Variants in ANXA13 observed in about 807,000 individuals in gnomAD.
ANXA13 encodes annexin XIII.
ANXA13 carries 36 observed loss-of-function variants against 46.6 expected under a neutral mutation model. The observed-to-expected ratio is 0.77, with a 90% CI of 0.59 to 1.02. The LOEUF is 1.02. Ranked by LOEUF, ANXA13 falls within the 50% of genes least tolerant of loss-of-function variation. The pLI is 0.00. For missense variants in ANXA13, 417 were observed against 396.5 expected (o/e 1.05, Z -0.44); for synonymous variants, 163 against 152.9 (o/e 1.07, Z -0.49).
chr8:123,722,378 GAA>G (rs1813898204), intron 1 of ANXA13, among the ~76,000 whole-genome samples: 1 of 119,168 alleles, frequency 8.4e-6, no homozygotes, highest in African/African-American at 3.0e-5. Flanking sequence ...AAGAAAGAAA[GAA>G]AGAAAGAAAG....
chr8:123,720,350 G>C (rs2129917957), intron 1 of ANXA13, among the ~76,000 whole-genome samples: 1 of 152,296 alleles, frequency 6.6e-6, no homozygotes, highest in Non-Finnish European at 1.5e-5. Context: ...GGCAGGTGAA[G>C]GGTGTGCTGG....
At chr8:123,707,675 T>C (rs1331173347) in intron 2 of ANXA13, among the ~76,000 whole-genome samples, 1 of 151,870 alleles carries the variant, frequency 6.6e-6, no homozygotes, top group Non-Finnish European at 1.5e-5. Flanking sequence ...GAGGGGAACA[T>C]CATACACCAG....
At chr8:123,704,255 G>C (rs1813500321) in intron 2 of ANXA13, among the ~76,000 whole-genome samples, 1 of 151,776 alleles carries the variant, frequency 6.6e-6, no homozygotes, top group Non-Finnish European at 1.5e-5. Flanking sequence ...AGGCACAGCA[G>C]TCAGCAATCT....
At chr8:123,735,594 C>T (rs574326861) in intron 1 of ANXA13, among the ~76,000 whole-genome samples, 1 of 152,246 alleles carries the variant, frequency 6.6e-6, no homozygotes, top group Admixed American at 6.5e-5. Context: ...AATACAGTAA[C>T]AAACTTTTTG....
chr8:123,700,909 A>G (rs1179960075), intron 3 of ANXA13, among the ~76,000 whole-genome samples: 2 of 151,736 alleles, frequency 1.3e-5, no homozygotes, highest in African/African-American at 4.8e-5. Flanking sequence ...TGAGGCCTCA[A>G]CTTCTTGGGC....
At chr8:123,694,663 C>T (rs972523920) in intron 6 of ANXA13, among the ~76,000 whole-genome samples, 1 of 152,170 alleles carries the variant, frequency 6.6e-6, no homozygotes, top group African/African-American at 2.4e-5. Flanking sequence ...CCCTGGCCGA[C>T]ACCTTGATTT....
intron 2 of ANXA13, among the ~76,000 whole-genome samples, chr8:123,704,235 G>A (rs370508587): frequency 2.6e-5 from 4 of 152,050 alleles, no homozygotes; most frequent in South Asian, 2.1e-4. Flanking sequence ...GATCGAGCTC[G>A]GTGGGATCAA....
intron 2 of ANXA13, among the ~76,000 whole-genome samples, chr8:123,708,021 G>T (rs74972376): frequency 0.027 from 4,127 of 152,208 alleles, 87 homozygotes; most frequent in Non-Finnish European, 0.035. Context: ...CCAGGTCTCA[G>T]GTTGATCCGG....
rs752635355 is a variant in ANXA13, at chr8:123,684,618, T to C, written c.823A>G (p.Arg275Gly). 1.2e-6 allele frequency: 2 copies of C among 1,613,004 alleles called. No individual in the cohort carries two copies. Among genetic ancestry groups the C allele is most frequent in the Non-Finnish European group, 8.5e-7 (1 of 1,179,004 alleles). The change falls in exon 10 of 11, where the codon AGG becomes GGG. Residue 275 changes from arginine (R) to glycine (G), a missense_variant. Physicochemically the swap from Arg to Gly is moderately radical, Grantham distance 125. Coordinates refer to ENST00000419625, the MANE Select transcript of ANXA13 (RefSeq NM_004306.4). ...GTCGGAGTGTGTCTTACCTCGGCCC[T>C]GGTCACGACTATGCGAATCAACGTC... ...EETLIRIVVT[R>G]AEVDLQGIKA...
intron 3 of ANXA13, among the ~76,000 whole-genome samples, chr8:123,698,886 A>G (rs965747177): frequency 1.3e-5 from 2 of 152,176 alleles, no homozygotes; most frequent in Non-Finnish European, 2.9e-5. Context: ...AATCCTCAAG[A>G]TCTGTTGAAC....
At chr8:123,702,351 C>T (rs1813460166) in intron 3 of ANXA13, among the ~76,000 whole-genome samples, 1 of 151,986 alleles carries the variant, frequency 6.6e-6, no homozygotes, top group Non-Finnish European at 1.5e-5. Context: ...GATCTAGCTA[C>T]ATATGTACAG....
chr8:123,685,539 C>T (rs1813124382), intron 9 of ANXA13, among the ~76,000 whole-genome samples: 1 of 152,152 alleles, frequency 6.6e-6, no homozygotes, highest in Non-Finnish European at 1.5e-5. Flanking sequence ...TTCTCTAGAA[C>T]ACTTGATGAT....
intron 6 of ANXA13, among the ~76,000 whole-genome samples, chr8:123,694,088 T>G (rs893026290): frequency 7.2e-5 from 11 of 151,788 alleles, no homozygotes; most frequent in Admixed American, 3.9e-4. Context: ...ATGAGTCCCC[T>G]CTTCGTTTCA....
At chr8:123,696,082 G>T (rs568403623) in intron 4 of ANXA13, among the ~76,000 whole-genome samples, 17 of 152,160 alleles carry the variant, frequency 1.1e-4, no homozygotes, top group Middle Eastern at 3.4e-3. Context: ...TAGAAGTTCA[G>T]TGCGTATCAG....
At chr8:123,681,445 AT>A in intron 10 of ANXA13, 86 bp from the exon 11 acceptor site, 1 of 1,364,066 alleles carries the variant, frequency 7.3e-7, no homozygotes, top group African/African-American at 1.4e-5. Flanking sequence ...TGTTATACTC[AT>A]TTGCTCATTC....
At chr8:123,720,894 C>T (rs2129919723) in intron 1 of ANXA13, among the ~76,000 whole-genome samples, 1 of 152,276 alleles carries the variant, frequency 6.6e-6, no homozygotes, top group Admixed American at 6.5e-5. Context: ...AGCCACTGCA[C>T]TTGACCTTAA....
At chr8:123,708,935 A>T (rs908805240) in intron 2 of ANXA13, among the ~76,000 whole-genome samples, 2 of 152,202 alleles carry the variant, frequency 1.3e-5, no homozygotes, top group African/African-American at 2.4e-5. Context: ...GACACTTGTC[A>T]TTAGATATAG....
At chr8:123,706,624 T>C (rs1813545556) in intron 2 of ANXA13, among the ~76,000 whole-genome samples, 1 of 152,160 alleles carries the variant, frequency 6.6e-6, no homozygotes, top group Non-Finnish European at 1.5e-5. Context: ...ACATGCAAGT[T>C]CCTCTGTTGC....
intron 1 of ANXA13, among the ~76,000 whole-genome samples, chr8:123,712,965 C>T (rs1450243540): frequency 6.6e-6 from 1 of 152,124 alleles, no homozygotes; most frequent in Non-Finnish European, 1.5e-5. Flanking sequence ...CTTGGATGAC[C>T]AGGAGAATGG....
Sources: allele counts gnomAD v4.1 joint callset (sites outside exome capture counted in the v4.1 genomes callset), GRCh38; gene constraint gnomAD v4.1.1; transcripts MANE v1.5; gene names NCBI Gene and HGNC (gene_info 2026-07-23, HGNC 2026-07-21).